The following HDAC9 variants were observed in gnomAD, a reference collection of about 807,000 sequenced individuals.
HDAC9 encodes histone deacetylase 9, also known as MEF-2 interacting transcription repressor (MITR) protein.
A neutral mutation model predicts 139.4 loss-of-function variants in HDAC9; 41 were observed. That is an observed-to-expected ratio of 0.29 (90% CI 0.23 to 0.38). The LOEUF (loss-of-function observed/expected upper bound fraction) is 0.38. HDAC9 is among the 10% of genes least tolerant of loss of function. The pLI, the probability that HDAC9 is intolerant of heterozygous loss-of-function variation, is 1.00. For missense variants in HDAC9, 1,147 were observed against 1,297.0 expected, an observed-to-expected ratio of 0.88 and a Z score of 1.78; for synonymous variants, 517 against 476.2, an observed-to-expected ratio of 1.09 and a Z score of -1.12.
At chr7:18,735,582 C>T (rs1786807253) in intron 13 of HDAC9, among the ~76,000 whole-genome samples, 1 of 152,142 alleles carries the variant, frequency 6.6e-6, no homozygotes, top group Admixed American at 6.5e-5. Flanking sequence ...CTGTTCTGTT[C>T]TATTGGTCTA....
chr7:18,909,860 C>A (rs190566071), intron 22 of HDAC9, among the ~76,000 whole-genome samples: 1 of 151,982 alleles, frequency 6.6e-6, no homozygotes, highest in South Asian at 2.1e-4. Flanking sequence ...TTATTATAGG[C>A]TTGTAGTATA....
chr7:18,672,383 C>G (rs1475234282), intron 12 of HDAC9, among the ~76,000 whole-genome samples: 1 of 151,980 alleles, frequency 6.6e-6, no homozygotes, highest in African/African-American at 2.4e-5. Context: ...GTCCTTTGCC[C>G]ATTTTCTAGT....
chr7:18,233,754 A>G (rs1417486536), intron 2 of HDAC9, among the ~76,000 whole-genome samples: 2 of 152,088 alleles, frequency 1.3e-5, no homozygotes, highest in African/African-American at 2.4e-5. Context: ...CAAGATTTCA[A>G]TTTGCATACC....
intron 22 of HDAC9, among the ~76,000 whole-genome samples, chr7:18,911,597 C>G (rs558730780): frequency 6.6e-6 from 1 of 150,914 alleles, no homozygotes; most frequent in African/African-American, 2.4e-5. Flanking sequence ...TTTTTAGATG[C>G]ATTGTTAGGT....
At chr7:18,239,853 G>A (rs1438032349) in intron 2 of HDAC9, among the ~76,000 whole-genome samples, 2 of 151,952 alleles carry the variant, frequency 1.3e-5, no homozygotes, top group Non-Finnish European at 2.9e-5. Flanking sequence ...AGGTAAGTAG[G>A]CAAATAATAC....
At chr7:18,857,665 G>A (rs1255015941) in intron 21 of HDAC9, among the ~76,000 whole-genome samples, 1 of 152,074 alleles carries the variant, frequency 6.6e-6, no homozygotes, top group Non-Finnish European at 1.5e-5. Flanking sequence ...ATCTGAACTT[G>A]TTAAGTATAG....
intron 24 of HDAC9, among the ~76,000 whole-genome samples, chr7:18,963,892 C>T (rs1306420299): frequency 1.3e-5 from 2 of 152,116 alleles, no homozygotes; most frequent in Admixed American, 1.3e-4. Context: ...TCATTCATTG[C>T]CCTTTCCTGT....
intron 14 of HDAC9, among the ~76,000 whole-genome samples, chr7:18,760,399 C>T (rs528156546): frequency 3.3e-5 from 5 of 152,192 alleles, no homozygotes; most frequent in South Asian, 2.1e-4. Flanking sequence ...ATAAACTTTC[C>T]GATATTGAAT....
intron 1 of HDAC9, among the ~76,000 whole-genome samples, chr7:18,134,158 C>T (rs902819027): frequency 1.3e-5 from 2 of 152,038 alleles, no homozygotes; most frequent in Non-Finnish European, 2.9e-5. Flanking sequence ...GTGTTCTCAG[C>T]GTTCATACTG....
chr7:18,599,658 G>A (rs2128869009), intron 6 of HDAC9, among the ~76,000 whole-genome samples: 1 of 151,982 alleles, frequency 6.6e-6, no homozygotes, highest in South Asian at 2.1e-4. Context: ...ATATTCCATT[G>A]TATGGCTGAA....
At chr7:18,896,610 T>C (rs989794553) in intron 22 of HDAC9, among the ~76,000 whole-genome samples, 5 of 152,148 alleles carry the variant, frequency 3.3e-5, no homozygotes, top group African/African-American at 1.2e-4. Flanking sequence ...TTCTTGGGCA[T>C]GATCTTCTTT....
chr7:18,969,888 T>C (rs1784137575), intron 24 of HDAC9, among the ~76,000 whole-genome samples: 1 of 152,142 alleles, frequency 6.6e-6, no homozygotes, highest in Non-Finnish European at 1.5e-5. Flanking sequence ...TGGAGTATGC[T>C]GAAAGGAGAT....
chr7:18,088,020 C>G (rs1781903704), intron 1 of HDAC9: 1 of 152,218 alleles, frequency 6.6e-6, no homozygotes, highest in Non-Finnish European at 1.5e-5. Flanking sequence ...GTGATGTGGA[C>G]TTGGAGAATT....
upstream of HDAC9, among the ~76,000 whole-genome samples, chr7:18,491,880 A>G (rs1007092850): frequency 6.6e-6 from 1 of 151,940 alleles, no homozygotes; most frequent in South Asian, 2.1e-4. Context: ...ACTCACACTA[A>G]TGTCATCTGG....
chr7:18,354,024 T>G (rs908326760), intron 1 of HDAC9, among the ~76,000 whole-genome samples: 1 of 152,122 alleles, frequency 6.6e-6, no homozygotes, highest in Non-Finnish European at 1.5e-5. Context: ...TAAGTTAAAT[T>G]AAACCATTTG....
At chr7:18,230,810 G>A (rs563410091) in intron 2 of HDAC9, among the ~76,000 whole-genome samples, 1 of 152,250 alleles carries the variant, frequency 6.6e-6, no homozygotes, top group South Asian at 2.1e-4. Flanking sequence ...TTCACTGGTG[G>A]CAGTAATAGC....
chr7:18,970,659 G>A lies in HDAC9; in HGVS notation c.3023-5147G>A, dbSNP rs536564566. 5.3e-5 allele frequency among the ~76,000 whole-genome samples: 8 copies of A among 152,254 alleles called. 1 individual carries two copies. The East Asian group carries it at 1.5e-3, about 29-fold the overall frequency. ...TATCTTAAAAACGTATTAAGTTTTA[G>A]AAAATCCATAGACCTCCTTGTAAGC... On this transcript the variant is annotated intron_variant, in intron 24 of 25. Coordinates refer to ENST00000686413, the MANE Select transcript of HDAC9 (RefSeq NM_178425.4).
chr7:18,475,609 T>G (rs1171028156), intron 1 of HDAC9, among the ~76,000 whole-genome samples: 6 of 152,236 alleles, frequency 3.9e-5, no homozygotes, highest in African/African-American at 1.4e-4. Flanking sequence ...AGCCAGTCAC[T>G]ATGCCGCCCC....
chr7:18,934,077 G>A (rs1365793808), intron 22 of HDAC9, among the ~76,000 whole-genome samples: 1 of 151,906 alleles, frequency 6.6e-6, no homozygotes, highest in South Asian at 2.1e-4. Context: ...ATGTAATAGA[G>A]TAAACAAACA....
Sources: allele counts gnomAD v4.1 joint callset (sites outside exome capture counted in the v4.1 genomes callset), GRCh38; gene constraint gnomAD v4.1.1; transcripts MANE v1.5; gene names NCBI Gene and HGNC (gene_info 2026-07-23, HGNC 2026-07-21).